Variants in PCDH9 observed in about 807,000 individuals in gnomAD.
PCDH9 encodes protocadherin 9.
Under a neutral mutation model 70.6 loss-of-function variants are expected in PCDH9, and 24 were observed. That is an observed-to-expected ratio of 0.34 (90% CI 0.25 to 0.48). PCDH9 has a LOEUF of 0.48. Among genes scored for constraint, PCDH9 ranks in the 20% least tolerant of loss-of-function variants. The pLI, the probability that PCDH9 is intolerant of heterozygous loss-of-function variation, is 0.99. For missense variants in PCDH9, 1,281 were observed against 1,503.6 expected, an observed-to-expected ratio of 0.85 and a Z score of 2.45; for synonymous variants, 562 against 558.5, an observed-to-expected ratio of 1.01 and a Z score of -0.09.
chr13:66,559,481 CT>C (rs1303355045), intron 4 of PCDH9, among the ~76,000 whole-genome samples: 2 of 152,160 alleles, frequency 1.3e-5, no homozygotes, highest in Non-Finnish European at 2.9e-5. Context: ...AGTTAAGTAA[CT>C]ACCTGATAAC....
At chr13:66,526,311 C>A (rs1203954603) in intron 4 of PCDH9, among the ~76,000 whole-genome samples, 1 of 151,968 alleles carries the variant, frequency 6.6e-6, no homozygotes, top group South Asian at 2.1e-4. Context: ...TGTGATCCTG[C>A]GGTGCTAATA....
intron 4 of PCDH9, among the ~76,000 whole-genome samples, chr13:66,505,458 C>T (rs1959201552): frequency 6.6e-6 from 1 of 151,296 alleles, no homozygotes; most frequent in Non-Finnish European, 1.5e-5. Context: ...CTACCTCCCA[C>T]CAGGTCCCTC....
intron 3 of PCDH9, among the ~76,000 whole-genome samples, chr13:66,645,930 G>C (rs2077765320): frequency 6.6e-6 from 1 of 152,208 alleles, no homozygotes; most frequent in Non-Finnish European, 1.5e-5. Context: ...CTTCCAGTAA[G>C]GGATATAGCA....
chr13:66,932,606 G>A (rs192162703), intron 2 of PCDH9, among the ~76,000 whole-genome samples: 5 of 147,134 alleles, frequency 3.4e-5, no homozygotes, highest in African/African-American at 1.3e-4. Flanking sequence ...TTGAAAGTTT[G>A]GGGGAAAAAA....
At chr13:66,755,234 G>A (rs1397937472) in intron 3 of PCDH9, among the ~76,000 whole-genome samples, 1 of 152,162 alleles carries the variant, frequency 6.6e-6, no homozygotes, top group African/African-American at 2.4e-5. Context: ...ATATTCTTAT[G>A]AGGCAGATAT....
intron 3 of PCDH9, among the ~76,000 whole-genome samples, chr13:66,632,700 T>C (rs2077587199): frequency 6.6e-6 from 1 of 152,120 alleles, no homozygotes; most frequent in South Asian, 2.1e-4. Context: ...TATAATTATG[T>C]GGGGTGGAGA....
chr13:66,777,784 A>G (rs1484389255), intron 3 of PCDH9, among the ~76,000 whole-genome samples: 5 of 152,194 alleles, frequency 3.3e-5, no homozygotes, highest in Admixed American at 1.3e-4. Context: ...ATTACTGGGT[A>G]TATACCCAAA....
chr13:66,793,975 AT>A (rs755856669), intron 3 of PCDH9, among the ~76,000 whole-genome samples: 157 of 152,268 alleles, frequency 1.0e-3, no homozygotes, highest in Non-Finnish European at 1.7e-3. Context: ...TAAACCCGAC[AT>A]TGCTAATTAC....
chr13:66,896,820 C>G (rs1363930153), intron 3 of PCDH9, among the ~76,000 whole-genome samples: 2 of 152,090 alleles, frequency 1.3e-5, no homozygotes, highest in African/African-American at 4.8e-5. Flanking sequence ...AGACAAAGAA[C>G]CAGTGGAACT....
At chr13:66,316,687 AAAT>A (rs745418860) in intron 4 of PCDH9, among the ~76,000 whole-genome samples, 24 of 152,112 alleles carry the variant, frequency 1.6e-4, no homozygotes, top group Non-Finnish European at 3.1e-4. Flanking sequence ...CCACCTTTAA[AAAT>A]AATGATATCC....
chr13:66,574,752 G>A (rs74093362), intron 4 of PCDH9, among the ~76,000 whole-genome samples: 5,979 of 152,132 alleles, frequency 0.039, 366 homozygotes, highest in African/African-American at 0.14. Flanking sequence ...AGTCATTCTC[G>A]CCCTTCAACA....
At chr13:66,692,744 AT>A (rs1291584375) in intron 3 of PCDH9, among the ~76,000 whole-genome samples, 1 of 152,082 alleles carries the variant, frequency 6.6e-6, no homozygotes, top group Non-Finnish European at 1.5e-5. Context: ...GTTGTAAAGT[AT>A]TCCAATCATG....
rs375509777 is a variant in PCDH9, at chr13:66,888,465, G to A, written c.3138+15039C>T. 2.1e-4 allele frequency among the ~76,000 whole-genome samples: 32 copies of A among 151,610 alleles called. No homozygotes were observed. The East Asian group carries it at 3.9e-3, about 18-fold the overall frequency. On this transcript the variant is annotated intron_variant, in intron 3 of 4. Coordinates refer to ENST00000377865, the MANE Select transcript of PCDH9 (RefSeq NM_203487.3). ...AGAGGCTGCAGTGAGCCATGATCAC[G>A]TCACTGCACTCCAGCCTGGGTGACA...
At chr13:66,824,643 G>A (rs758743346) in intron 3 of PCDH9, among the ~76,000 whole-genome samples, 7 of 106,346 alleles carry the variant, frequency 6.6e-5, no homozygotes, top group South Asian at 3.2e-4. Context: ...CAACAAGAGC[G>A]AAACTCTGAT....
At chr13:66,866,350 C>T (rs1375916755) in intron 3 of PCDH9, among the ~76,000 whole-genome samples, 3 of 151,932 alleles carry the variant, frequency 2.0e-5, no homozygotes, top group African/African-American at 4.8e-5. Flanking sequence ...GGCATGGTGG[C>T]GGGCGCCTGT....
chr13:66,903,031 T>C (rs999952655), intron 3 of PCDH9, among the ~76,000 whole-genome samples: 1 of 150,538 alleles, frequency 6.6e-6, no homozygotes, highest in South Asian at 2.1e-4. Flanking sequence ...TATAAAGTAG[T>C]AAAAAAAAAG....
intron 2 of PCDH9, among the ~76,000 whole-genome samples, chr13:67,173,254 T>G (rs934852843): frequency 6.6e-6 from 1 of 152,098 alleles, no homozygotes; most frequent in African/African-American, 2.4e-5. Flanking sequence ...TAAATAGAAT[T>G]TGACATTTGT....
chr13:66,709,366 C>T (rs2078761397), intron 3 of PCDH9, among the ~76,000 whole-genome samples: 1 of 152,130 alleles, frequency 6.6e-6, no homozygotes, highest in African/African-American at 2.4e-5. Flanking sequence ...CATAGAAAAT[C>T]ATTATTAAGG....
chr13:66,569,706 T>C (rs1326545758), intron 4 of PCDH9, among the ~76,000 whole-genome samples: 1 of 152,094 alleles, frequency 6.6e-6, no homozygotes, highest in African/African-American at 2.4e-5. Flanking sequence ...CATTTATAGG[T>C]TAATTATAAC....
Sources: gnomAD v4.1 joint callset for allele counts (sites outside exome capture counted in the v4.1 genomes callset) on GRCh38, gnomAD v4.1.1 for gene constraint, MANE v1.5 for transcripts, NCBI Gene and HGNC (gene_info 2026-07-23, HGNC 2026-07-21) for gene names.